RASAL2: variants seen among roughly 807,000 people sequenced by gnomAD.
RASAL2 encodes RAS protein activator like 2.
A neutral mutation model predicts 128.9 loss-of-function variants in RASAL2; 58 were observed. The observed-to-expected ratio is 0.45, with a 90% CI of 0.36 to 0.56. The LOEUF (loss-of-function observed/expected upper bound fraction) is 0.56, where lower values mean the gene tolerates loss of function less well. Among genes scored for constraint, RASAL2 ranks in the 20% least tolerant of loss-of-function variants. RASAL2 has a pLI of 0.00. For missense variants in RASAL2, 1,360 were observed against 1,601.6 expected, an observed-to-expected ratio of 0.85 and a Z score of 2.57; for synonymous variants, 561 against 580.8, an observed-to-expected ratio of 0.97 and a Z score of 0.49.
At chr1:178,144,135 C>G (rs1341479493) in intron 1 of RASAL2, among the ~76,000 whole-genome samples, 1 of 152,118 alleles carries the variant, frequency 6.6e-6, no homozygotes, top group East Asian at 1.9e-4. Context: ...GAGAAGTCAC[C>G]ATGAACTCCA....
At chr1:178,297,521 C>G (rs892169975) in intron 2 of RASAL2, among the ~76,000 whole-genome samples, 1 of 149,188 alleles carries the variant, frequency 6.7e-6, no homozygotes, top group African/African-American at 2.5e-5. Flanking sequence ...ACAGGAGAAT[C>G]GCTTGAACTT....
chr1:178,357,646 T>C (rs1342714154), intron 3 of RASAL2, among the ~76,000 whole-genome samples: 1 of 152,194 alleles, frequency 6.6e-6, no homozygotes, highest in African/African-American at 2.4e-5. Context: ...AAAACATGTG[T>C]TGACATTTCA....
In RASAL2 at chr1:178,439,701, TTATC is replaced by T; in HGVS notation, c.828+129_828+132del. 4 of 815,204 alleles carry T rather than the reference TTATC, an allele frequency of 4.9e-6. No individual in the cohort carries two copies. The South Asian group carries it at 9.7e-5, about 20-fold the overall frequency. 50.5% of individuals were successfully genotyped at this position (815,204 alleles called of 1,614,324 possible). A position where few individuals can be genotyped will look rare whatever the true frequency, so the allele number is the denominator to read the frequency against. On this transcript the variant is annotated intron_variant, in intron 6 of 17. Coordinates refer to ENST00000367649, the MANE Select transcript of RASAL2 (RefSeq NM_170692.4). Reference sequence around the variant, plus strand: ...TTAACTGGTTTTCAGTTGCTAGAAATTATCTACTTACAGAGAAAAAGTTAGAAAT... The same window carrying T: ...TTAACTGGTTTTCAGTTGCTAGAAATTACTTACAGAGAAAAAGTTAGAAAT...
intron 12 of RASAL2, among the ~76,000 whole-genome samples, chr1:178,455,249 C>T (rs1430611760): frequency 6.6e-6 from 1 of 152,072 alleles, no homozygotes; most frequent in Non-Finnish European, 1.5e-5. Context: ...CAATCATTTT[C>T]TTCCTTCTGG....
chr1:178,467,700 A>G (rs555446512), intron 17 of RASAL2, among the ~76,000 whole-genome samples: 1 of 152,310 alleles, frequency 6.6e-6, no homozygotes, highest in East Asian at 1.9e-4. Context: ...TTCTTTCCCT[A>G]TGGAAAGGAG....
intron 1 of RASAL2, among the ~76,000 whole-genome samples, chr1:178,283,300 A>G (rs187604595): frequency 6.8e-4 from 103 of 152,318 alleles, no homozygotes; most frequent in Non-Finnish European, 1.6e-4. Flanking sequence ...TAGTTTATAT[A>G]CAGTGGTAAT....
intron 2 of RASAL2, among the ~76,000 whole-genome samples, chr1:178,294,182 C>T (rs1317688527): frequency 6.6e-6 from 1 of 152,050 alleles, no homozygotes; most frequent in East Asian, 1.9e-4. Context: ...GTTTTTAAAC[C>T]CTTTTTAAGC....
chr1:178,358,228 T>A (rs1431121935), intron 3 of RASAL2, among the ~76,000 whole-genome samples: 24 of 107,968 alleles, frequency 2.2e-4, no homozygotes, highest in African/African-American at 8.5e-4. Context: ...AGAGTGAGAC[T>A]CTGTCTCCTA....
intron 1 of RASAL2, among the ~76,000 whole-genome samples, chr1:178,149,952 G>T (rs1660859089): frequency 6.6e-6 from 1 of 152,114 alleles, no homozygotes; most frequent in South Asian, 2.1e-4. Flanking sequence ...TATAAATTTT[G>T]TGAGTTCTAT....
chr1:178,420,053 A>G (rs532633223), intron 4 of RASAL2, among the ~76,000 whole-genome samples: 5 of 152,256 alleles, frequency 3.3e-5, no homozygotes, highest in East Asian at 1.9e-4. Context: ...AATTCCTCCA[A>G]TGCGCCAAGT....
At chr1:178,258,407 T>C (rs562847792) in intron 1 of RASAL2, among the ~76,000 whole-genome samples, 131 of 152,174 alleles carry the variant, frequency 8.6e-4, no homozygotes, top group Non-Finnish European at 1.6e-3. Context: ...TAAAAACTCT[T>C]ACATCTCAAT....
chr1:178,354,707 G>C (rs575787297), intron 3 of RASAL2, among the ~76,000 whole-genome samples: 6 of 152,234 alleles, frequency 3.9e-5, no homozygotes, highest in South Asian at 2.1e-4. Flanking sequence ...TTGAGATACT[G>C]TTTACAATAA....
At chr1:178,418,323 A>G (rs1047487845) in intron 4 of RASAL2, among the ~76,000 whole-genome samples, 2 of 152,210 alleles carry the variant, frequency 1.3e-5, no homozygotes, top group Admixed American at 6.5e-5. Context: ...AGAAAGTGTT[A>G]TTGAGAAAAT....
At chr1:178,362,838 ATC>A (rs1671194190) in intron 3 of RASAL2, among the ~76,000 whole-genome samples, 1 of 151,428 alleles carries the variant, frequency 6.6e-6, no homozygotes, top group South Asian at 2.1e-4. Context: ...AAATGGCAGG[ATC>A]TCTCTCTTTT....
intron 2 of RASAL2, among the ~76,000 whole-genome samples, chr1:178,290,668 TA>T (rs1667237125): frequency 6.6e-6 from 1 of 152,182 alleles, no homozygotes; most frequent in African/African-American, 2.4e-5. Context: ...TATTTTTATT[TA>T]TTTTTTTGTT....
chr1:178,429,452 T>C (rs1369897567), intron 5 of RASAL2, among the ~76,000 whole-genome samples: 2 of 152,166 alleles, frequency 1.3e-5, no homozygotes, highest in African/African-American at 2.4e-5. Context: ...TTCTCCATTC[T>C]CTGACCACTT....
intron 4 of RASAL2, among the ~76,000 whole-genome samples, chr1:178,405,863 C>T (rs1673970189): frequency 6.6e-6 from 1 of 152,146 alleles, no homozygotes; most frequent in African/African-American, 2.4e-5. Context: ...ATGTTAATTT[C>T]TTAGTTTTCA....
At chr1:178,262,782 CT>C (rs1408048062) in intron 1 of RASAL2, among the ~76,000 whole-genome samples, 1 of 150,180 alleles carries the variant, frequency 6.7e-6, no homozygotes, top group Non-Finnish European at 1.5e-5. Flanking sequence ...CTCATCCCCC[CT>C]GCCCCCCACT....
intron 1 of RASAL2, among the ~76,000 whole-genome samples, chr1:178,255,697 A>G (rs1665312196): frequency 6.6e-6 from 1 of 152,088 alleles, no homozygotes; most frequent in Non-Finnish European, 1.5e-5. Context: ...AGCTTTTTTA[A>G]AAAATGAAAA....
Sources: gnomAD v4.1 joint callset for allele counts (sites outside exome capture counted in the v4.1 genomes callset) on GRCh38, gnomAD v4.1.1 for gene constraint, MANE v1.5 for transcripts, NCBI Gene and HGNC (gene_info 2026-07-23, HGNC 2026-07-21) for gene names.